Variants in CCPG1 observed in about 807,000 individuals in gnomAD.
The protein encoded by CCPG1 is cell cycle progression 1, also known as cell cycle progression protein 1.
A neutral mutation model predicts 81.3 loss-of-function variants in CCPG1; 46 were observed. The ratio of observed to expected loss-of-function variants is 0.57; its 90% CI spans 0.45 to 0.72. The LOEUF is 0.72. CCPG1 is among the 30% of genes least tolerant of loss of function. CCPG1 has a pLI of 0.00. For missense variants in CCPG1, 902 were observed against 937.6 expected (o/e 0.96, Z 0.50); for synonymous variants, 330 against 305.2 (o/e 1.08, Z -0.85).
rs1215909023 is a variant in CCPG1, at chr15:55,389,572, T to C, written c.-9-139A>G. On this transcript the variant is annotated intron_variant, in intron 1 of 8. Coordinates refer to ENST00000442196, the MANE Select transcript of CCPG1 (RefSeq NM_001204450.2). ...AGACAAGCCACCCATAGATTTACCATACAGAACATGACAGGACTGCATACC... is the reference window on the plus strand; with the variant it reads ...AGACAAGCCACCCATAGATTTACCACACAGAACATGACAGGACTGCATACC... 8.9e-6 allele frequency: 6 copies of C among 672,162 alleles called. No homozygotes were observed. The African/African-American group carries it at 9.0e-5, about 10-fold the overall frequency. 41.6% of individuals were successfully genotyped at this position (672,162 alleles called of 1,614,324 possible).
intron 6 of CCPG1, among the ~76,000 whole-genome samples, chr15:55,367,339 T>C (rs143607725): frequency 7.9e-5 from 12 of 152,354 alleles, no homozygotes; most frequent in African/African-American, 2.9e-4. Flanking sequence ...GATAGTATAA[T>C]ATAGCATATG....
At chr15:55,408,065 G>A (rs1042676940) in intron 1 of CCPG1, 156 bp downstream of exon 1, 1 of 152,490 alleles carries the variant, frequency 6.6e-6, no homozygotes, top group East Asian at 1.9e-4. Context: ...TCGCCCGTGC[G>A]GCCGCTGACA....
intron 6 of CCPG1, among the ~76,000 whole-genome samples, chr15:55,371,406 G>A (rs1298002188): frequency 1.3e-5 from 2 of 152,146 alleles, no homozygotes; most frequent in African/African-American, 2.4e-5. Context: ...CATTTCAAAT[G>A]TAACTATTTC....
At position 55,356,186 on chromosome 15, in the gene CCPG1, C is replaced by A. The variant is rs1342038312; in HGVS notation, c.*34G>T. 1 of 1,461,472 alleles carries A rather than the reference C, an allele frequency of 6.8e-7. No homozygotes were observed. The highest frequency in any genetic ancestry group is 9.1e-7 in the Non-Finnish European group (1 of 1,098,828). 90.5% of individuals were successfully genotyped at this position (1,461,472 alleles called of 1,614,324 possible). A position where few individuals can be genotyped will look rare whatever the true frequency, so the allele number is the denominator to read the frequency against. ...AACATTATACAAAGCATAAATTTTT[C>A]TCTTACAGTTGTCTAATTTAACTCA... On this transcript the variant is annotated 3_prime_UTR_variant, in exon 9 of 9. Coordinates refer to ENST00000442196, the MANE Select transcript of CCPG1 (RefSeq NM_001204450.2).
intron 1 of CCPG1, among the ~76,000 whole-genome samples, chr15:55,406,013 C>T (rs879488530): frequency 4.5e-4 from 68 of 152,220 alleles, no homozygotes; most frequent in Admixed American, 7.9e-4. Context: ...AACAGGCATC[C>T]GCCACCATGC....
chr15:55,403,080 T>C (rs1476171985), intron 1 of CCPG1, among the ~76,000 whole-genome samples: 1 of 152,164 alleles, frequency 6.6e-6, no homozygotes, highest in Middle Eastern at 3.2e-3. Context: ...CATCAAGGCA[T>C]CACACTTCAA....
chr15:55,360,157 G>T lies in CCPG1; in HGVS notation c.1616C>A (p.Thr539Asn). 1 of 1,613,032 alleles carries T rather than the reference G, an allele frequency of 6.2e-7. No homozygotes were observed. The highest frequency in any genetic ancestry group is 8.5e-7 in the Non-Finnish European group (1 of 1,179,726). Residue 539 changes from threonine to asparagine, a missense_variant, in exon 8 of 9, where the codon ACC becomes AAC. This residue lies in a region of CCPG1 where 746 missense variants were observed against 728.6 expected (regional missense o/e 1.02). Transcript: ENST00000442196. ...VKSTFRHFKD[T>N]TKNIFDEKGN... is the part of the protein sequence containing the mutation. ...CTTTTCATCAAAGATATTCTTGGTG[G>T]TATCTTTAAAGTGTCTGAAAGTGGA...
At chr15:55,391,793 C>A (rs1305656957) in intron 1 of CCPG1, among the ~76,000 whole-genome samples, 1 of 146,710 alleles carries the variant, frequency 6.8e-6, no homozygotes, top group Non-Finnish European at 1.5e-5. Flanking sequence ...GAGTTCAAGG[C>A]TGTTAAGAGC....
chr15:55,375,016 T>G (rs1418484538), intron 5 of CCPG1, among the ~76,000 whole-genome samples: 1 of 152,132 alleles, frequency 6.6e-6, no homozygotes, highest in Admixed American at 6.6e-5. Flanking sequence ...TTCAGTATAG[T>G]CCAAAATTTC....
rs1423252474 is a variant in CCPG1 at position 55,386,465 on chromosome 15, T to C, written c.61-751A>G. Reference sequence around the variant, plus strand: ...CATACAATTTTTCTTTGTGTCTTAATTGTAAAACAAAGTTAACCACTAAGG... The same window carrying C: ...CATACAATTTTTCTTTGTGTCTTAACTGTAAAACAAAGTTAACCACTAAGG... On this transcript the variant is annotated intron_variant, in intron 2 of 8. Coordinates refer to ENST00000442196, the MANE Select transcript of CCPG1 (RefSeq NM_001204450.2). 3.9e-5 allele frequency among the ~76,000 whole-genome samples: 6 copies of C among 152,350 alleles called. No homozygotes were observed. In the East Asian group the frequency reaches 1.2e-3, roughly 29 times the overall value.
intron 1 of CCPG1, among the ~76,000 whole-genome samples, chr15:55,407,043 C>CT (rs1555411239): frequency 7.4e-6 from 1 of 135,294 alleles, no homozygotes; most frequent in South Asian, 2.3e-4. Context: ...TGAGACCCCC[C>CT]CCCCCGCCCC....
At chr15:55,400,106 C>T (rs967864689) in intron 1 of CCPG1, among the ~76,000 whole-genome samples, 1 of 147,346 alleles carries the variant, frequency 6.8e-6, no homozygotes, top group Non-Finnish European at 1.5e-5. Context: ...ACTCGGGAGG[C>T]TGAGGCACAA....
chr15:55,378,363 AT>A lies in CCPG1; in HGVS notation c.188del (p.Asn63MetfsTer52). 1 of 1,607,908 alleles carries A rather than the reference AT, an allele frequency of 6.2e-7. No homozygotes were observed. Among genetic ancestry groups the A allele is most frequent in the Non-Finnish European group, 8.5e-7 (1 of 1,176,480 alleles). ...LQIEQGESSQ[N>X]GTVLMEETAY... is the part of the protein sequence containing the mutation. ...CAGTTTCTTCCATAAGCACTGTGCC[AT>A]TTTGGCTGCTTTCTGATATAAAGCA... is the stretch of plus-strand genomic sequence containing the variant. On this transcript the variant is annotated frameshift_variant, in exon 4 of 9. Coordinates refer to ENST00000442196, the MANE Select transcript of CCPG1 (RefSeq NM_001204450.2). LOFTEE classifies it high-confidence loss of function.
At chr15:55,385,285 C>G (rs961870824) in intron 3 of CCPG1, among the ~76,000 whole-genome samples, 1 of 152,192 alleles carries the variant, frequency 6.6e-6, no homozygotes, top group African/African-American at 2.4e-5. Context: ...CCTGCCTCAG[C>G]CTTCTGAGTA....
intron 6 of CCPG1, among the ~76,000 whole-genome samples, chr15:55,367,726 CT>C (rs1021299359): frequency 6.6e-6 from 1 of 152,106 alleles, no homozygotes; most frequent in African/African-American, 2.4e-5. Context: ...TATTTATCAT[CT>C]GGCAAAACTT....
At chr15:55,388,643 T>C (rs528323974) in intron 2 of CCPG1, among the ~76,000 whole-genome samples, 25 of 152,298 alleles carry the variant, frequency 1.6e-4, no homozygotes, top group Admixed American at 4.6e-4. Context: ...CATATGCCTA[T>C]AGTCCCAGCT....
chr15:55,377,997 G>A (rs1449852371), intron 4 of CCPG1, among the ~76,000 whole-genome samples: 1 of 152,104 alleles, frequency 6.6e-6, no homozygotes, highest in African/African-American at 2.4e-5. Context: ...TAAGTCTCAG[G>A]TTGTTACCAA....
rs760002217 is a variant in CCPG1 at position 55,378,283 on chromosome 15, G to A, written c.252+17C>T. ...ATACTATTTAACATATATCCACAGT[G>A]TAAAATACAAGTTTACCTCAATTGT... On this transcript the variant is annotated intron_variant, in intron 4 of 8. Coordinates refer to ENST00000442196, the MANE Select transcript of CCPG1 (RefSeq NM_001204450.2). 3 of 1,517,772 alleles carry A rather than the reference G, an allele frequency of 2.0e-6. No individual in the cohort carries two copies. Among genetic ancestry groups the A allele is most frequent in the Non-Finnish European group, 1.8e-6 (2 of 1,094,928 alleles). 94.0% of individuals were successfully genotyped at this position (1,517,772 alleles called of 1,614,324 possible).
chr15:55,400,046 C>CA (rs2057097096), intron 1 of CCPG1: 1 of 150,090 alleles, frequency 6.7e-6, no homozygotes, highest in Non-Finnish European at 1.5e-5. Flanking sequence ...ACTAAAAATA[C>CA]AAAAAAATTA....
Sources: allele counts gnomAD v4.1 joint callset (sites outside exome capture counted in the v4.1 genomes callset), GRCh38; gene constraint gnomAD v4.1.1; regional missense constraint gnomAD v4.1.1; transcripts MANE v1.5; gene names NCBI Gene and HGNC (gene_info 2026-07-23, HGNC 2026-07-21).